The following CYTH1 variants were observed in gnomAD, a reference collection of about 807,000 sequenced individuals.
CYTH1 encodes cytohesin 1.
CYTH1 carries 18 observed loss-of-function variants against 61.8 expected under a neutral mutation model. The observed-to-expected ratio is 0.29, with a 90% confidence interval of 0.20 to 0.43. The LOEUF (loss-of-function observed/expected upper bound fraction) is 0.43. CYTH1 is among the 20% of genes least tolerant of loss of function. CYTH1 has a pLI of 1.00. For missense variants in CYTH1, 336 were observed against 510.5 expected (o/e 0.66, Z 3.29); for synonymous variants, 174 against 184.3 (o/e 0.94, Z 0.45).
chr17:78,698,423 AT>A, intron 8 of CYTH1, 43 bp from the exon 9 acceptor site: 1 of 1,488,540 alleles, frequency 6.7e-7, no homozygotes, highest in Non-Finnish European at 9.4e-7. Flanking sequence ...TTCTAGAAAT[AT>A]TTTTTCCTCC....
intron 1 of CYTH1, among the ~76,000 whole-genome samples, chr17:78,711,230 C>T (rs940764090): frequency 5.3e-5 from 8 of 150,778 alleles, no homozygotes; most frequent in Non-Finnish European, 1.2e-4. Context: ...CCATTGCCCT[C>T]CAGCCTGGGA....
chr17:78,675,423 T>G lies in CYTH1; in HGVS notation c.*668A>C, dbSNP rs1466506647. 1.3e-5 allele frequency: 2 copies of G among 152,594 alleles called. No individual in the cohort carries two copies. The highest frequency in any genetic ancestry group is 4.8e-5 in the African/African-American group (2 of 41,462). The allele number at this position is 152,594 out of a possible 1,614,324, so 9.5% of individuals were successfully genotyped here. A position where few individuals can be genotyped will look rare whatever the true frequency, so the allele number is the denominator to read the frequency against. On this transcript the variant is annotated 3_prime_UTR_variant, in exon 14 of 14. Transcript: ENST00000446868. ...GTGCCGTCTGAGGCTCCACTGGGCCTCTGCCCTCTGCGTCCTCGACCTCAC... is the reference window on the plus strand; with the variant it reads ...GTGCCGTCTGAGGCTCCACTGGGCCGCTGCCCTCTGCGTCCTCGACCTCAC...
intron 1 of CYTH1, among the ~76,000 whole-genome samples, chr17:78,714,287 C>T (rs989565459): frequency 1.3e-5 from 2 of 151,814 alleles, no homozygotes; most frequent in African/African-American, 4.8e-5. Context: ...AGGCCTCCAT[C>T]TCAAAAAAAT....
intron 11 of CYTH1, 66 bp from the exon 12 acceptor site, chr17:78,681,108 C>T (rs548345984): frequency 1.7e-5 from 26 of 1,532,374 alleles, no homozygotes; most frequent in South Asian, 1.6e-4. Context: ...TCAGATTCCT[C>T]GCCGGTGACT....
chr17:78,761,841 G>T (rs1166845152), intron 1 of CYTH1, among the ~76,000 whole-genome samples: 1 of 152,204 alleles, frequency 6.6e-6, no homozygotes, highest in Admixed American at 6.5e-5. Context: ...GAAAACAGTA[G>T]TCCAAAGCAA....
intron 1 of CYTH1, among the ~76,000 whole-genome samples, chr17:78,779,499 C>G (rs971666729): frequency 2.6e-5 from 4 of 151,902 alleles, no homozygotes; most frequent in Non-Finnish European, 5.9e-5. Context: ...TAAAGAAGTC[C>G]GGGTACTAAT....
intron 1 of CYTH1, among the ~76,000 whole-genome samples, chr17:78,710,978 C>T (rs558704121): frequency 4.6e-5 from 7 of 152,142 alleles, no homozygotes; most frequent in South Asian, 2.1e-4. Context: ...AAATATACAC[C>T]GAGGCCGGGC....
chr17:78,724,084 G>A lies in CYTH1; in HGVS notation c.23-14352C>T, dbSNP rs1164092776. 3 of 152,216 alleles carry A rather than the reference G, an allele frequency of 2.0e-5. No individual in the cohort carries two copies. In the East Asian group the frequency reaches 5.8e-4, roughly 29 times the overall value. The allele number at this position is 152,216 out of a possible 1,614,324, so 9.4% of individuals were successfully genotyped here. ...CACCAGAGGCTGTGGCATCGCCTTT[G>A]AGGACACCTGCCTATTATCAGGTTG... On this transcript the variant is annotated intron_variant, in intron 1 of 13. Transcript: ENST00000446868.
chr17:78,725,971 T>C (rs902341585), intron 1 of CYTH1, among the ~76,000 whole-genome samples: 1 of 151,282 alleles, frequency 6.6e-6, no homozygotes, highest in African/African-American at 2.4e-5. Context: ...GGCCACAGAA[T>C]AGGAATCTCA....
intron 1 of CYTH1, among the ~76,000 whole-genome samples, chr17:78,758,304 G>C (rs1412013161): frequency 1.3e-5 from 2 of 152,204 alleles, no homozygotes; most frequent in Non-Finnish European, 2.9e-5. Flanking sequence ...AAACTGCAAG[G>C]TCTGTCTTCT....
chr17:78,768,892 C>T (rs186436179), intron 1 of CYTH1, among the ~76,000 whole-genome samples: 1 of 152,258 alleles, frequency 6.6e-6, no homozygotes, highest in East Asian at 1.9e-4. Flanking sequence ...CAGTGCCTCA[C>T]ACCAGCACCT....
Position 78,745,926 on chromosome 17 carries a change from C to T in CYTH1, c.23-36194G>A, listed in dbSNP as rs145050227. ...AAAAAAAATTTCATTACCTTTTGAA[C>T]ATATATAGGGAGAGGAGAGGCAATT... is the stretch of plus-strand genomic sequence containing the variant. On this transcript the variant is annotated intron_variant, in intron 1 of 13. Coordinates refer to ENST00000446868, the MANE Select transcript of CYTH1 (RefSeq NM_004762.6). 3.3e-5 allele frequency among the ~76,000 whole-genome samples: 5 copies of T among 152,112 alleles called. No individual in the cohort carries two copies. The East Asian group carries it at 9.7e-4, about 29-fold the overall frequency.
intron 1 of CYTH1, among the ~76,000 whole-genome samples, chr17:78,732,822 C>T (rs1403513962): frequency 6.6e-6 from 1 of 151,984 alleles, no homozygotes; most frequent in Non-Finnish European, 1.5e-5. Flanking sequence ...GGCGCGGTGG[C>T]TCCCGCCTGT....
intron 1 of CYTH1, among the ~76,000 whole-genome samples, chr17:78,755,667 C>T (rs1202857934): frequency 1.3e-5 from 2 of 151,906 alleles, no homozygotes; most frequent in Non-Finnish European, 2.9e-5. Context: ...CATGAAGCGG[C>T]GGCCAGGCTC....
chr17:78,763,427 T>C (rs1421721497), intron 1 of CYTH1, among the ~76,000 whole-genome samples: 1 of 152,168 alleles, frequency 6.6e-6, no homozygotes, highest in Non-Finnish European at 1.5e-5. Flanking sequence ...CTGTAGGTTA[T>C]AGAGTAGTCC....
intron 13 of CYTH1, chr17:78,678,338 CA>C (rs2092722746): frequency 6.6e-6 from 1 of 152,354 alleles, no homozygotes; most frequent in Admixed American, 6.5e-5. Context: ...CACGATGCCA[CA>C]GGGGGAGGGG....
At chr17:78,692,087 T>C in intron 11 of CYTH1, 1 of 260,222 alleles carries the variant, frequency 3.8e-6, no homozygotes. Flanking sequence ...GGCCACATAC[T>C]CTTTCTCGGC....
intron 3 of CYTH1, among the ~76,000 whole-genome samples, chr17:78,706,193 T>A (rs1406524723): frequency 1.3e-5 from 2 of 152,214 alleles, no homozygotes; most frequent in Non-Finnish European, 2.9e-5. Flanking sequence ...CAGTTCAATT[T>A]GTTTTGATGA....
At chr17:78,754,146 G>A (rs1023491297) in intron 1 of CYTH1, among the ~76,000 whole-genome samples, 4 of 152,196 alleles carry the variant, frequency 2.6e-5, no homozygotes, top group African/African-American at 4.8e-5. Context: ...GAGAAGCAGC[G>A]CATCTAGATA....
Sources: allele counts gnomAD v4.1 joint callset (sites outside exome capture counted in the v4.1 genomes callset), GRCh38; gene constraint gnomAD v4.1.1; transcripts MANE v1.5; gene names NCBI Gene and HGNC (gene_info 2026-07-23, HGNC 2026-07-21).